SBF2: variants seen among roughly 807,000 people sequenced by gnomAD.
SBF2 encodes SET binding factor 2, also known as myotubularin-related protein 13.
Under a neutral mutation model 225.2 loss-of-function variants are expected in SBF2, and 112 were observed. The ratio of observed to expected loss-of-function variants is 0.50; its 90% CI spans 0.43 to 0.58. The LOEUF (loss-of-function observed/expected upper bound fraction) is 0.58. SBF2 is among the 20% of genes least tolerant of loss of function. The pLI is 0.00. For missense variants in SBF2, 1,996 were observed against 2,206.2 expected (o/e 0.90, Z 1.91); for synonymous variants, 763 against 773.3 (o/e 0.99, Z 0.22).
chr11:10,183,719 A>G (rs992028458), intron 2 of SBF2, among the ~76,000 whole-genome samples: 2 of 152,224 alleles, frequency 1.3e-5, no homozygotes, highest in Admixed American at 1.3e-4. Context: ...TTATGAAGTC[A>G]GGCACAGAAT....
At chr11:10,261,027 C>T (rs1156925292) in intron 1 of SBF2, among the ~76,000 whole-genome samples, 2 of 152,194 alleles carry the variant, frequency 1.3e-5, no homozygotes, top group East Asian at 3.9e-4. Flanking sequence ...TCTGAACAGA[C>T]CCTTCACCAA....
Position 9,794,252 on chromosome 11 carries a change from C to A in SBF2, c.4570+1579G>T, listed in dbSNP as rs191384769. ...GAAACAAAAAAACAAACCAAAAAAA[C>A]CCCAAAAAACACAACTACTCCAAGG... On this transcript the variant is annotated intron_variant, in intron 33 of 39. Transcript: ENST00000256190. 5.3e-3 allele frequency among the ~76,000 whole-genome samples: 802 copies of A among 152,078 alleles called. 9 individuals are homozygous for A. The highest frequency in any genetic ancestry group is 0.018 in the African/African-American group (764 of 41,444).
At chr11:10,053,116 T>C (rs545351397) in intron 2 of SBF2, among the ~76,000 whole-genome samples, 67 of 152,234 alleles carry the variant, frequency 4.4e-4, no homozygotes, top group African/African-American at 1.5e-3. Flanking sequence ...TTCCCATGTA[T>C]TTATATATTT....
chr11:10,148,661 C>A (rs1432385866), intron 2 of SBF2, among the ~76,000 whole-genome samples: 1 of 151,940 alleles, frequency 6.6e-6, no homozygotes, highest in Non-Finnish European at 1.5e-5. Context: ...ACAACATACG[C>A]CTTAAAGAGA....
At chr11:9,869,180 A>C (rs1290755863) in intron 17 of SBF2, among the ~76,000 whole-genome samples, 1 of 152,236 alleles carries the variant, frequency 6.6e-6, no homozygotes, top group Non-Finnish European at 1.5e-5. Flanking sequence ...CAGGTAACCA[A>C]TTAGTTTGGT....
intron 2 of SBF2, among the ~76,000 whole-genome samples, chr11:10,163,685 T>C (rs1955842719): frequency 6.6e-6 from 1 of 152,120 alleles, no homozygotes; most frequent in Non-Finnish European, 1.5e-5. Context: ...ATGCAGAGCC[T>C]TTAAGATTTT....
intron 14 of SBF2, 113 bp from the exon 15 acceptor site, chr11:9,963,995 A>G (rs1053025617): frequency 1.5e-6 from 1 of 673,580 alleles, no homozygotes; most frequent in Non-Finnish European, 2.6e-6. Context: ...TCACACCCGT[A>G]ATCCCAGCAA....
intron 2 of SBF2, among the ~76,000 whole-genome samples, chr11:10,108,859 T>C (rs1364171628): frequency 1.3e-5 from 2 of 152,042 alleles, no homozygotes; most frequent in Non-Finnish European, 2.9e-5. Flanking sequence ...TATGTACCAG[T>C]ACGACAAACC....
intron 2 of SBF2, among the ~76,000 whole-genome samples, chr11:10,045,031 T>C (rs1053395695): frequency 6.6e-6 from 1 of 152,112 alleles, no homozygotes; most frequent in Non-Finnish European, 1.5e-5. Context: ...AGAGGTCTCA[T>C]GAAGCTTCAG....
At chr11:10,219,201 T>C (rs1161036737) in intron 1 of SBF2, among the ~76,000 whole-genome samples, 5 of 152,330 alleles carry the variant, frequency 3.3e-5, no homozygotes, top group African/African-American at 9.6e-5. Context: ...CTCTGAAATC[T>C]AGGTAGAGGT....
intron 6 of SBF2, among the ~76,000 whole-genome samples, chr11:10,012,248 C>T (rs893375815): frequency 5.9e-5 from 9 of 152,154 alleles, no homozygotes; most frequent in African/African-American, 1.7e-4. Context: ...TGGGCTCAAG[C>T]GATCCTCCTA....
rs761285334 is a variant in SBF2, at chr11:9,832,302, T to C, written c.3574A>G (p.Thr1192Ala). Reference sequence around the variant, plus strand: ...AATCCTCCAGATCGGAGGAGCAGAGTACCACTTCTTGAGTTCTTCCAACAT... The same window carrying C: ...AATCCTCCAGATCGGAGGAGCAGAGCACCACTTCTTGAGTTCTTCCAACAT... ...VVCWKNSRSG[T>A]LLLRSGGFHG... is the part of the protein sequence containing the mutation. The change falls in exon 27 of 40, where the codon ACT becomes GCT. Residue 1192 changes from threonine (T) to alanine (A), a missense_variant. Physicochemically the swap from Thr to Ala is moderately conservative, Grantham distance 58. Transcript: ENST00000256190. 3.5e-5 allele frequency: 56 copies of C among 1,613,948 alleles called. No individual in the cohort carries two copies. Among genetic ancestry groups the C allele is most frequent in the African/African-American group, 6.7e-5 (5 of 74,870 alleles).
chr11:10,176,099 A>G (rs1315292707), intron 2 of SBF2, among the ~76,000 whole-genome samples: 1 of 119,464 alleles, frequency 8.4e-6, no homozygotes, highest in Non-Finnish European at 1.9e-5. Flanking sequence ...TACTGGGTGC[A>G]TAACGAAATG....
intron 17 of SBF2, among the ~76,000 whole-genome samples, chr11:9,876,718 T>C (rs923321588): frequency 5.9e-5 from 9 of 152,324 alleles, no homozygotes; most frequent in Non-Finnish European, 8.8e-5. Context: ...CTAAGCAGAC[T>C]ATGACACTAT....
At chr11:9,904,952 G>A (rs1226634671) in intron 16 of SBF2, among the ~76,000 whole-genome samples, 2 of 152,218 alleles carry the variant, frequency 1.3e-5, no homozygotes, top group Non-Finnish European at 2.9e-5. Context: ...AGCCGAGCAG[G>A]TGGAGGCTAC....
intron 2 of SBF2, among the ~76,000 whole-genome samples, chr11:10,102,919 T>C (rs1211608453): frequency 6.6e-6 from 1 of 152,184 alleles, no homozygotes; most frequent in East Asian, 1.9e-4. Flanking sequence ...AGCTTTAGCA[T>C]TAAAGATGCA....
At chr11:9,944,511 C>G (rs894857399) in intron 16 of SBF2, among the ~76,000 whole-genome samples, 17 of 152,086 alleles carry the variant, frequency 1.1e-4, no homozygotes, top group African/African-American at 3.6e-4. Context: ...ACACACATTA[C>G]TACATATTAT....
intron 2 of SBF2, among the ~76,000 whole-genome samples, chr11:10,191,060 C>T (rs1957148500): frequency 6.6e-6 from 1 of 152,172 alleles, no homozygotes; most frequent in Non-Finnish European, 1.5e-5. Flanking sequence ...CCATTATGTA[C>T]GTGAGTTCAT....
chr11:10,033,894 C>A (rs1949349225), intron 3 of SBF2, among the ~76,000 whole-genome samples: 1 of 152,004 alleles, frequency 6.6e-6, no homozygotes, highest in Non-Finnish European at 1.5e-5. Flanking sequence ...CAGATTTTCA[C>A]CCATTGGAAA....
Sources: allele counts gnomAD v4.1 joint callset (sites outside exome capture counted in the v4.1 genomes callset), GRCh38; gene constraint gnomAD v4.1.1; transcripts MANE v1.5; gene names NCBI Gene and HGNC (gene_info 2026-07-23, HGNC 2026-07-21).